RFX3: variants seen among roughly 807,000 people sequenced by gnomAD.
RFX3 encodes regulatory factor X3.
RFX3 carries 14 observed loss-of-function variants against 98.6 expected under a neutral mutation model. The ratio of observed to expected loss-of-function variants is 0.14; its 90% CI spans 0.09 to 0.22. RFX3 has a LOEUF of 0.22. Ranked by LOEUF, RFX3 falls within the 10% of genes least tolerant of loss-of-function variation. The pLI, the probability that RFX3 is intolerant of heterozygous loss-of-function variation, is 1.00. For missense variants in RFX3, 639 were observed against 926.9 expected, an observed-to-expected ratio of 0.69 and a Z score of 4.03; for synonymous variants, 383 against 328.4, an observed-to-expected ratio of 1.17 and a Z score of -1.80.
In RFX3 at chr9:3,423,800, T is replaced by G. The variant is rs2031764; in HGVS notation, c.-8-28204A>C. Reference sequence around the variant, plus strand: ...TTTCATATATATATATATATATATATATATATATATATCTTAAGGTAATTT... The same window carrying G: ...TTTCATATATATATATATATATATAGATATATATATATCTTAAGGTAATTT... On this transcript the variant is annotated intron_variant, in intron 1 of 16. Coordinates refer to ENST00000617270, the MANE Select transcript of RFX3 (RefSeq NM_001282116.2). 3.7e-5 allele frequency among the ~76,000 whole-genome samples: 5 copies of G among 133,506 alleles called. No homozygotes were observed. The South Asian group carries it at 1.1e-3, about 29-fold the overall frequency. 87.6% of individuals were successfully genotyped at this position (133,506 alleles called of 152,430 possible). A position where few individuals can be genotyped will look rare whatever the true frequency, so the allele number is the denominator to read the frequency against.
At chr9:3,515,702 A>G (rs918421431) in intron 1 of RFX3, among the ~76,000 whole-genome samples, 1 of 152,248 alleles carries the variant, frequency 6.6e-6, no homozygotes, top group Non-Finnish European at 1.5e-5. Context: ...GGTTTTGAAC[A>G]TTAAAGTAAA....
chr9:3,503,443 T>C (rs573972230), intron 1 of RFX3, among the ~76,000 whole-genome samples: 2 of 152,218 alleles, frequency 1.3e-5, no homozygotes, highest in East Asian at 1.9e-4. Flanking sequence ...AGTAGTCCAA[T>C]ACAGTAGAAT....
intron 7 of RFX3, among the ~76,000 whole-genome samples, chr9:3,283,953 A>G (rs569552508): frequency 1.3e-4 from 19 of 151,882 alleles, no homozygotes; most frequent in African/African-American, 4.6e-4. Flanking sequence ...ATGACTGTGG[A>G]TAAGTTATTT....
chr9:3,331,655 A>G (rs1341301904), intron 3 of RFX3, among the ~76,000 whole-genome samples: 1 of 151,956 alleles, frequency 6.6e-6, no homozygotes, highest in African/African-American at 2.4e-5. Context: ...GCTTTTTACC[A>G]TAACCTCTCA....
At chr9:3,369,813 GT>G (rs1039795715) in intron 2 of RFX3, among the ~76,000 whole-genome samples, 1 of 151,940 alleles carries the variant, frequency 6.6e-6, no homozygotes, top group East Asian at 1.9e-4. Flanking sequence ...CAGAGCAGTT[GT>G]TTTTTTGTTT....
At chr9:3,317,445 G>C (rs562143393) in intron 4 of RFX3, among the ~76,000 whole-genome samples, 1 of 152,302 alleles carries the variant, frequency 6.6e-6, no homozygotes, top group African/African-American at 2.4e-5. Context: ...ATACCATTCA[G>C]GACATAGGCA....
At chr9:3,239,383 TG>T (rs1819612040) in intron 15 of RFX3, among the ~76,000 whole-genome samples, 1 of 152,252 alleles carries the variant, frequency 6.6e-6, no homozygotes, top group Non-Finnish European at 1.5e-5. Flanking sequence ...CCAAGATCTC[TG>T]GCAGTTTGCT....
intron 15 of RFX3, chr9:3,247,400 C>A (rs998603539): frequency 6.7e-6 from 6 of 889,820 alleles, no homozygotes; most frequent in Non-Finnish European, 8.1e-6. Flanking sequence ...AAAATCTCTA[C>A]CATTTTTTAG....
intron 1 of RFX3, among the ~76,000 whole-genome samples, chr9:3,414,537 A>G (rs918395864): frequency 4.7e-5 from 7 of 149,878 alleles, no homozygotes; most frequent in Admixed American, 3.4e-4. Context: ...GTGTGTGTGT[A>G]TATATATGAG....
chr9:3,441,507 T>C (rs1192275936), intron 1 of RFX3, among the ~76,000 whole-genome samples: 2 of 152,052 alleles, frequency 1.3e-5, no homozygotes, highest in Admixed American at 6.6e-5. Flanking sequence ...ATTCTGGCGC[T>C]GGGGCATAGA....
At chr9:3,495,412 T>TA (rs538134336) in intron 1 of RFX3, among the ~76,000 whole-genome samples, 4 of 152,014 alleles carry the variant, frequency 2.6e-5, no homozygotes, top group Non-Finnish European at 5.9e-5. Context: ...TTCATTGATG[T>TA]AAAAAAATGG....
intron 2 of RFX3, among the ~76,000 whole-genome samples, chr9:3,388,579 T>C (rs1315982654): frequency 6.6e-6 from 1 of 152,094 alleles, no homozygotes; most frequent in Admixed American, 6.6e-5. Context: ...CTCTAGTCTA[T>C]CTAGGCAATT....
intron 1 of RFX3, among the ~76,000 whole-genome samples, chr9:3,421,789 A>G (rs1479005723): frequency 6.6e-6 from 1 of 152,108 alleles, no homozygotes; most frequent in East Asian, 1.9e-4. Flanking sequence ...CATCACCTCT[A>G]ATATATTTTC....
chr9:3,324,755 G>C (rs571492555), intron 4 of RFX3, among the ~76,000 whole-genome samples: 1 of 152,088 alleles, frequency 6.6e-6, no homozygotes, highest in African/African-American at 2.4e-5. Context: ...CTGAGGTCAG[G>C]AGTTTGAGAC....
chr9:3,225,994 A>C (rs752243756), intron 16 of RFX3, among the ~76,000 whole-genome samples: 2 of 152,170 alleles, frequency 1.3e-5, no homozygotes, highest in East Asian at 3.8e-4. Context: ...CCAAATTGTA[A>C]TACGTTTTAT....
At chr9:3,460,201 G>A (rs544968503) in intron 1 of RFX3, among the ~76,000 whole-genome samples, 193 of 152,046 alleles carry the variant, frequency 1.3e-3, no homozygotes, top group South Asian at 6.4e-3. Flanking sequence ...GATGATGGAA[G>A]GCAGGGGCCA....
At chr9:3,519,075 C>T (rs1013170942) in intron 1 of RFX3, among the ~76,000 whole-genome samples, 2 of 151,926 alleles carry the variant, frequency 1.3e-5, no homozygotes, top group Admixed American at 6.6e-5. Flanking sequence ...TCATGTATAA[C>T]GTGAAAATAA....
At chr9:3,365,180 G>C (rs1167076794) in intron 2 of RFX3, among the ~76,000 whole-genome samples, 5 of 151,466 alleles carry the variant, frequency 3.3e-5, no homozygotes. Flanking sequence ...CACGCCTGTA[G>C]TCCCAGCTAC....
At chr9:3,502,850 G>T (rs1816186893) in intron 1 of RFX3, among the ~76,000 whole-genome samples, 1 of 152,028 alleles carries the variant, frequency 6.6e-6, no homozygotes, top group East Asian at 1.9e-4. Flanking sequence ...AGATAGGTGG[G>T]GAATAAATGA....
Sources: allele counts gnomAD v4.1 joint callset (sites outside exome capture counted in the v4.1 genomes callset), GRCh38; gene constraint gnomAD v4.1.1; transcripts MANE v1.5; gene names NCBI Gene and HGNC (gene_info 2026-07-23, HGNC 2026-07-21).